The following CEP85 variants were observed in gnomAD, a reference collection of about 807,000 sequenced individuals.
CEP85 encodes centrosomal protein of 85 kDa.
In CEP85, 58 loss-of-function variants were observed where a neutral mutation model predicts 93.7. The observed-to-expected ratio is 0.62, with a 90% CI of 0.50 to 0.77. The LOEUF is 0.77. Among genes scored for constraint, CEP85 ranks in the 30% least tolerant of loss-of-function variants. The probability of loss-of-function intolerance (pLI) is 0.00; values close to 1 mark genes in which losing one functional copy is unlikely to be tolerated. For synonymous variants in CEP85, 314 were observed against 338.6 expected (o/e 0.93, Z 0.80); for missense variants, 868 against 922.0 (o/e 0.94, Z 0.76).
intron 2 of CEP85, 44 bp from the exon 3 acceptor site, chr1:26,244,122 A>T: frequency 6.3e-7 from 1 of 1,594,558 alleles, no homozygotes; most frequent in Non-Finnish European, 8.6e-7. Flanking sequence ...ATGGGGTTAC[A>T]TCAGCTGGTT....
At chr1:26,270,698 G>A (rs12145403) in intron 9 of CEP85, among the ~76,000 whole-genome samples, 24,808 of 152,170 alleles carry the variant, frequency 0.16, 2,121 homozygotes, top group Middle Eastern at 0.19. Context: ...TTTCTACAAT[G>A]TACATGTATG....
rs1252334053 is a variant in CEP85, at chr1:26,234,241, T to C, written c.-92T>C. 1 of 152,220 alleles carries C rather than the reference T, an allele frequency of 6.6e-6. No individual in the cohort carries two copies. Among genetic ancestry groups the C allele is most frequent in the Non-Finnish European group, 1.5e-5 (1 of 68,058 alleles). The allele number at this position is 152,220 out of a possible 1,614,324, so 9.4% of individuals were successfully genotyped here. ...AGGAGCTGAGGGAGGGAACCACCGC[T>C]CACCGCAGACGTGGTGGCTGCAGTC... On this transcript the variant is annotated 5_prime_UTR_variant, in exon 1 of 14. Coordinates refer to ENST00000451429, the MANE Select transcript of CEP85 (RefSeq NM_001319944.2).
intron 11 of CEP85, chr1:26,272,520 T>C (rs2089989860): frequency 6.3e-6 from 1 of 159,624 alleles, no homozygotes; most frequent in Non-Finnish European, 1.4e-5. Flanking sequence ...TTTAAGATGG[T>C]AAATGGAGAC....
At chr1:26,241,243 A>ATTTTTTTTTTTTTTTTTTTTTTTT (rs1433524136) in intron 2 of CEP85, among the ~76,000 whole-genome samples, 1 of 61,814 alleles carries the variant, frequency 1.6e-5, no homozygotes. Flanking sequence ...CATTCAGCAG[A>ATTTTTTTTTTTTTTTTTTTTTTTT]ATTTTTTTTT....
intron 7 of CEP85, 57 bp downstream of exon 7, chr1:26,259,859 C>G: frequency 1.0e-5 from 15 of 1,432,550 alleles, no homozygotes; most frequent in Non-Finnish European, 1.4e-5. Context: ...CAGCTGTCTA[C>G]TCTAAAGCCT....
chr1:26,260,187 A>C, intron 7 of CEP85, among the ~76,000 whole-genome samples: 1 of 152,080 alleles, frequency 6.6e-6, no homozygotes, highest in East Asian at 1.9e-4. Flanking sequence ...CCTTCCTAAA[A>C]AGTAGAGAAA....
At chr1:26,239,911 T>C in intron 2 of CEP85, 73 bp downstream of exon 2, 1 of 1,128,850 alleles carries the variant, frequency 8.9e-7, no homozygotes, top group African/African-American at 1.5e-5. Flanking sequence ...AAGGTAAATA[T>C]TGAACAAACA....
chr1:26,263,841 A>G (rs1274729273), intron 7 of CEP85, among the ~76,000 whole-genome samples: 1 of 152,150 alleles, frequency 6.6e-6, no homozygotes, highest in Non-Finnish European at 1.5e-5. Context: ...ATTTTTTTCA[A>G]CCAAACACAG....
chr1:26,257,456 C>A (rs1276525131), intron 4 of CEP85, 141 bp from the exon 5 acceptor site: 2 of 952,450 alleles, frequency 2.1e-6, no homozygotes, highest in Non-Finnish European at 3.1e-6. Flanking sequence ...TGCCTCAGAG[C>A]TAAAATTATT....
intron 3 of CEP85, among the ~76,000 whole-genome samples, chr1:26,252,275 G>A (rs533826458): frequency 1.3e-5 from 2 of 152,040 alleles, no homozygotes; most frequent in South Asian, 2.1e-4. Flanking sequence ...GCTCACACCT[G>A]TAATCCCAGC....
chr1:26,242,464 T>G (rs923094024), intron 2 of CEP85, among the ~76,000 whole-genome samples: 1 of 152,068 alleles, frequency 6.6e-6, no homozygotes, highest in Non-Finnish European at 1.5e-5. Context: ...GATTACTGAG[T>G]GTATAAAGAT....
chr1:26,268,353 G>T, intron 7 of CEP85, 130 bp from the exon 8 acceptor site: 2 of 968,308 alleles, frequency 2.1e-6, no homozygotes, highest in Non-Finnish European at 3.2e-6. Flanking sequence ...AGCTACTCCA[G>T]GGGCTGAGGT....
chr1:26,235,018 CAGT>C (rs763426374), intron 1 of CEP85, among the ~76,000 whole-genome samples: 5 of 152,200 alleles, frequency 3.3e-5, no homozygotes, highest in African/African-American at 4.8e-5. Flanking sequence ...CCCAAAATGT[CAGT>C]AGGGCGGAAG....
At chr1:26,235,090 G>T (rs149965873) in intron 1 of CEP85, among the ~76,000 whole-genome samples, 1 of 152,206 alleles carries the variant, frequency 6.6e-6, no homozygotes. Context: ...GAAAGTTAGT[G>T]TGTTCAGGTT....
At chr1:26,272,821 G>T (rs555795145) in intron 11 of CEP85, among the ~76,000 whole-genome samples, 3 of 152,038 alleles carry the variant, frequency 2.0e-5, no homozygotes, top group Admixed American at 2.0e-4. Flanking sequence ...TAGAGACGGG[G>T]TTTCACCACG....
In CEP85 at chr1:26,258,139, G is replaced by T. The variant is rs776889397; in HGVS notation, c.1038-4G>T. On this transcript the variant is annotated splice_polypyrimidine_tract_variant and splice_region_variant and intron_variant, in intron 5 of 13. Transcript: ENST00000451429. ...CCCTGACCTGATTCTACCGGCTTGT[G>T]CAGGCAGAGGAAACACATCTCTCAG... 1 of 1,611,206 alleles carries T rather than the reference G, an allele frequency of 6.2e-7. No individual in the cohort carries two copies. Among genetic ancestry groups the T allele is most frequent in the South Asian group, 1.1e-5 (1 of 90,982 alleles).
chr1:26,267,718 T>A (rs2089913386), intron 7 of CEP85, among the ~76,000 whole-genome samples: 1 of 152,194 alleles, frequency 6.6e-6, no homozygotes, highest in African/African-American at 2.4e-5. Context: ...GAAGCTCCAG[T>A]GAGCTGCTGT....
At chr1:26,256,745 C>T (rs1477846378) in intron 4 of CEP85, among the ~76,000 whole-genome samples, 1 of 150,480 alleles carries the variant, frequency 6.6e-6, no homozygotes, top group Non-Finnish European at 1.5e-5. Flanking sequence ...ACTACAGGTG[C>T]GTGCCAACAC....
intron 8 of CEP85, chr1:26,269,207 G>T: frequency 2.1e-6 from 1 of 475,942 alleles, no homozygotes; most frequent in Non-Finnish European, 3.8e-6. Flanking sequence ...TTCAACCCTA[G>T]CCAATAGGGG....
Sources: gnomAD v4.1 joint callset for allele counts (sites outside exome capture counted in the v4.1 genomes callset) on GRCh38, gnomAD v4.1.1 for gene constraint, MANE v1.5 for transcripts, NCBI Gene and HGNC (gene_info 2026-07-23, HGNC 2026-07-21) for gene names.